The following CAMSAP2 variants were observed in gnomAD, a reference collection of about 807,000 sequenced individuals.
The protein encoded by CAMSAP2 is calmodulin-regulated spectrin-associated protein 2.
Under a neutral mutation model 146.1 loss-of-function variants are expected in CAMSAP2, and 26 were observed. The observed-to-expected ratio is 0.18, with a 90% CI of 0.13 to 0.25. CAMSAP2 has a LOEUF of 0.25. Ranked by LOEUF, CAMSAP2 falls within the 10% of genes least tolerant of loss-of-function variation. The probability of loss-of-function intolerance (pLI) is 1.00; values close to 1 mark genes in which losing one functional copy is unlikely to be tolerated. For synonymous variants in CAMSAP2, 499 were observed against 596.6 expected (o/e 0.84, Z 2.38); for missense variants, 1,381 against 1,759.3 (o/e 0.78, Z 3.85).
At chr1:200,770,352 A>G (rs987159164) in intron 2 of CAMSAP2, among the ~76,000 whole-genome samples, 3 of 152,322 alleles carry the variant, frequency 2.0e-5, no homozygotes, top group African/African-American at 7.2e-5. Context: ...GCTGATTCCA[A>G]AGCCCATGCT....
intron 2 of CAMSAP2, among the ~76,000 whole-genome samples, chr1:200,798,520 A>G (rs1228043038): frequency 3.6e-5 from 5 of 136,998 alleles, no homozygotes; most frequent in Admixed American, 7.6e-5. Flanking sequence ...TTGATTTTGT[A>G]TCCTGAGACT....
At position 200,847,253 on chromosome 1, in the gene CAMSAP2, T is replaced by C. The variant is rs1667481374; in HGVS notation, c.1153T>C (p.Ser385Pro). The C allele has an allele frequency of 6.2e-7, 1 of 1,612,502 alleles. No individual in the cohort carries two copies. The highest frequency in any genetic ancestry group is 1.3e-5 in the African/African-American group (1 of 74,902). ...TACACAGTCTCATCATCATTTGCCT[T>C]CTAGGTATTCACGTCCCCAGGCTCA... ...TFTQSHHHLPSRYSRPQAHSS... is the reference protein window; with the variant it reads ...TFTQSHHHLPPRYSRPQAHSS... The change falls in exon 9 of 17, where the codon TCT becomes CCT. Residue 385 changes from serine to proline, a missense_variant. Transcript: ENST00000358823.
chr1:200,750,062 C>T (rs1242253887), intron 1 of CAMSAP2, among the ~76,000 whole-genome samples: 1 of 152,080 alleles, frequency 6.6e-6, no homozygotes, highest in Non-Finnish European at 1.5e-5. Flanking sequence ...TGTGACATGA[C>T]CAAATTTGCT....
chr1:200,823,359 CCA>C (rs991951458), intron 4 of CAMSAP2, among the ~76,000 whole-genome samples: 1 of 152,044 alleles, frequency 6.6e-6, no homozygotes, highest in Non-Finnish European at 1.5e-5. Flanking sequence ...ACAACTTCAC[CCA>C]GTTTTCTCTA....
At chr1:200,852,267 T>C (rs1270020840) in intron 11 of CAMSAP2, among the ~76,000 whole-genome samples, 1 of 152,190 alleles carries the variant, frequency 6.6e-6, no homozygotes. Flanking sequence ...AATTTGTGCT[T>C]TTTTGTTTTG....
chr1:200,772,094 G>A (rs1297143649), intron 2 of CAMSAP2, among the ~76,000 whole-genome samples: 2 of 152,230 alleles, frequency 1.3e-5, no homozygotes, highest in East Asian at 1.9e-4. Context: ...ATCTGGTCTC[G>A]AGTTTTGAAA....
chr1:200,759,543 C>T (rs200399519), intron 1 of CAMSAP2, among the ~76,000 whole-genome samples: 3 of 152,186 alleles, frequency 2.0e-5, no homozygotes, highest in Non-Finnish European at 2.9e-5. Context: ...TCCCAAAGTG[C>T]TGGGATTACG....
rs79462442 is a variant in CAMSAP2, at chr1:200,809,457, G to A, written c.561+1920G>A. Among the ~76,000 whole-genome samples the A allele has an allele frequency of 7.4e-3, 1,133 of 152,308 alleles. 12 individuals carry two copies. Among genetic ancestry groups the A allele is most frequent in the Middle Eastern group, 0.044 (13 of 294 alleles). On this transcript the variant is annotated intron_variant, in intron 3 of 16. Transcript: ENST00000358823. The stretch of plus-strand genomic sequence containing the variant: ...TTTCTTCTTGTAACAGAATACCTGA[G>A]CCGGGCTCAGTGGCTCACGCCTGTA...
At chr1:200,804,932 TAGAA>T (rs1666133853) in intron 2 of CAMSAP2, among the ~76,000 whole-genome samples, 1 of 152,236 alleles carries the variant, frequency 6.6e-6, no homozygotes, top group South Asian at 2.1e-4. Flanking sequence ...CATGATATGG[TAGAA>T]AGAGCACACA....
intron 13 of CAMSAP2, among the ~76,000 whole-genome samples, chr1:200,854,615 C>A (rs1464791946): frequency 1.3e-5 from 2 of 151,912 alleles, no homozygotes. Context: ...AAAGTAGGTT[C>A]CTTGCTAATT....
intron 9 of CAMSAP2, 22 bp downstream of exon 9, chr1:200,847,314 A>T: frequency 1.3e-6 from 2 of 1,513,918 alleles, no homozygotes; most frequent in Non-Finnish European, 1.8e-6. Flanking sequence ...GAAAAAGCCT[A>T]GGAAAATACT....
At chr1:200,843,859 TTTTTGTTTTGTTTTG>T (rs557690558) in intron 7 of CAMSAP2, among the ~76,000 whole-genome samples, 1 of 151,760 alleles carries the variant, frequency 6.6e-6, no homozygotes, top group South Asian at 2.1e-4. Context: ...TGTTTGTTTG[TTTTTGTTTTGTTTTG>T]TTTTGTTTTG....
chr1:200,848,123 A>G lies in CAMSAP2; in HGVS notation c.1354A>G (p.Ile452Val). The G allele has an allele frequency of 1.2e-6, 2 of 1,612,294 alleles. No homozygotes were observed. The highest frequency in any genetic ancestry group is 2.2e-5 in the East Asian group (1 of 44,852). The change falls in exon 11 of 17, where the codon ATT becomes GTT. Residue 452 changes from isoleucine to valine, a missense_variant. Physicochemically the swap from Ile to Val is conservative, Grantham distance 29. Transcript: ENST00000358823. Reference sequence around the variant, plus strand: ...TCCAAACCGAGGAATCACTCGTTCTATTAGTAATGAAGGACTTACTCTGAA... The same window carrying G: ...TCCAAACCGAGGAATCACTCGTTCTGTTAGTAATGAAGGACTTACTCTGAA... ...STPNRGITRS[I>V]SNEGLTLNNS...
intron 4 of CAMSAP2, chr1:200,828,635 C>A: frequency 6.5e-7 from 1 of 1,544,280 alleles, no homozygotes; most frequent in South Asian, 1.2e-5. Context: ...TCAGTTTGCT[C>A]TCCAGAATTG....
intron 2 of CAMSAP2, among the ~76,000 whole-genome samples, chr1:200,762,747 G>A (rs755879671): frequency 6.6e-6 from 1 of 152,150 alleles, no homozygotes; most frequent in Non-Finnish European, 1.5e-5. Context: ...AGTGTAGTTT[G>A]TATGTGTGAA....
chr1:200,760,841 A>G lies in CAMSAP2; in HGVS notation c.142A>G (p.Asn48Asp). 2.6e-6 allele frequency: 4 copies of G among 1,562,620 alleles called. No individual in the cohort carries two copies. The highest frequency in any genetic ancestry group is 3.5e-6 in the Non-Finnish European group (4 of 1,148,838). ...ATTTTTTCCATTAATCTTTATAGAA[A>G]ATGTGCCAGAGGAACTTCAAGAACC... Reference protein sequence around the residue: ...WLVAKAFGTENVPEELQEPFY... With the variant: ...WLVAKAFGTEDVPEELQEPFY... The change falls in exon 2 of 17, where the codon AAT becomes GAT. Residue 48 changes from asparagine to aspartate, a missense_variant and splice_region_variant. Coordinates refer to ENST00000358823, the MANE Select transcript of CAMSAP2 (RefSeq NM_203459.4).
At chr1:200,745,908 A>G (rs974471013) in intron 1 of CAMSAP2, among the ~76,000 whole-genome samples, 2 of 152,244 alleles carry the variant, frequency 1.3e-5, no homozygotes, top group African/African-American at 4.8e-5. Flanking sequence ...TAGATGCTAG[A>G]GGTCTTTATT....
chr1:200,758,470 G>A (rs1220653128), intron 1 of CAMSAP2, among the ~76,000 whole-genome samples: 4 of 152,152 alleles, frequency 2.6e-5, no homozygotes, highest in African/African-American at 9.7e-5. Context: ...CCATCACGCT[G>A]AGGCAGCTAT....
intron 6 of CAMSAP2, among the ~76,000 whole-genome samples, chr1:200,833,652 A>G (rs1667101654): frequency 6.6e-6 from 1 of 152,242 alleles, no homozygotes; most frequent in South Asian, 2.1e-4. Context: ...TCTTACAAAT[A>G]GCAATGCTTA....
Sources: gnomAD v4.1 joint callset for allele counts (sites outside exome capture counted in the v4.1 genomes callset) on GRCh38, gnomAD v4.1.1 for gene constraint, MANE v1.5 for transcripts, NCBI Gene and HGNC (gene_info 2026-07-23, HGNC 2026-07-21) for gene names.